FUT8: variants seen among roughly 807,000 people sequenced by gnomAD.
The protein encoded by FUT8 is fucosyltransferase 8, also known as alpha-(1,6)-fucosyltransferase.
A neutral mutation model predicts 71.3 loss-of-function variants in FUT8; 29 were observed. The observed-to-expected ratio is 0.41, with a 90% CI of 0.30 to 0.55. FUT8 has a LOEUF of 0.55. Ranked by LOEUF, FUT8 falls within the 20% of genes least tolerant of loss-of-function variation. The pLI, the probability that FUT8 is intolerant of heterozygous loss-of-function variation, is 0.34. For missense variants in FUT8, 544 were observed against 702.1 expected, an observed-to-expected ratio of 0.77 and a Z score of 2.55; for synonymous variants, 254 against 239.3, an observed-to-expected ratio of 1.06 and a Z score of -0.57.
chr14:65,384,165 G>T, the FUT8 span, among the ~76,000 whole-genome samples: 2 of 152,198 alleles, frequency 1.3e-5, no homozygotes, highest in Non-Finnish European at 2.9e-5. This position sits in a 1 kb window ranked among gnomAD's most constrained non-coding sequence, Gnocchi z 4.2. Flanking sequence ...GCAGGGCAGT[G>T]AGAGGTGGGG....
In FUT8 at chr14:65,616,379, A is replaced by G. The variant is rs1889288069; in HGVS notation, c.482+6A>G. ...GATTTAGGACATCATGAAAGGTACT[A>G]TTCTCCTTTCACATTTTATTTGGGC... On this transcript the variant is annotated splice_donor_region_variant and intron_variant, in intron 5 of 10. Transcript: ENST00000673929. 1 of 1,554,944 alleles carries G rather than the reference A, an allele frequency of 6.4e-7. No individual in the cohort carries two copies. Among genetic ancestry groups the G allele is most frequent in the Non-Finnish European group, 8.7e-7 (1 of 1,151,146 alleles).
At chr14:65,525,898 C>T (rs895889855) in intron 2 of FUT8, among the ~76,000 whole-genome samples, 1 of 152,174 alleles carries the variant, frequency 6.6e-6, no homozygotes, top group Non-Finnish European at 1.5e-5. Context: ...ATCCTGAGTT[C>T]TAGTTTGATT....
chr14:65,474,019 A>G (rs2139648805), intron 2 of FUT8, among the ~76,000 whole-genome samples: 1 of 152,310 alleles, frequency 6.6e-6, no homozygotes, highest in South Asian at 2.1e-4. Context: ...GCTGTAGGCC[A>G]TTATTCTAAG....
chr14:65,636,313 G>A lies in FUT8; in HGVS notation c.597+6707G>A, dbSNP rs575305019. Reference sequence around the variant, plus strand: ...CTGCTTTTTGTTTCATTTATCTTTTGTATTTTTTTTTTGTTTGTTTCCATT... The same window carrying A: ...CTGCTTTTTGTTTCATTTATCTTTTATATTTTTTTTTTGTTTGTTTCCATT... On this transcript the variant is annotated intron_variant, in intron 6 of 10. Coordinates refer to ENST00000673929, the MANE Select transcript of FUT8 (RefSeq NM_001371533.1). Among the ~76,000 whole-genome samples the A allele has an allele frequency of 2.8e-3, 227 of 81,324 alleles. 1 individual carries two copies. The Middle Eastern group carries it at 0.043, about 15-fold the overall frequency. The allele number at this position is 81,324 out of a possible 152,430, so 53.4% of individuals were successfully genotyped here.
In FUT8 at chr14:65,638,352, A is replaced by G. The variant is rs1464754059; in HGVS notation, c.597+8746A>G. On this transcript the variant is annotated intron_variant, in intron 6 of 10. Transcript: ENST00000673929. This position sits in a 1 kb window ranked among gnomAD's most constrained non-coding sequence, Gnocchi z 4.5. Reference sequence around the variant, plus strand: ...TGAGCCACTGTGTCCGGCCAGAAAGATTTTTTGGTTTGCCCCCGTGTTTTG... The same window carrying G: ...TGAGCCACTGTGTCCGGCCAGAAAGGTTTTTTGGTTTGCCCCCGTGTTTTG... Among the ~76,000 whole-genome samples, 1 of 151,880 alleles carries G rather than the reference A, an allele frequency of 6.6e-6. No homozygotes were observed. Among genetic ancestry groups the G allele is most frequent in the Middle Eastern group, 3.4e-3 (1 of 292 alleles).
chr14:65,554,550 G>A (rs1885481931), intron 2 of FUT8, among the ~76,000 whole-genome samples: 1 of 151,768 alleles, frequency 6.6e-6, no homozygotes, highest in Admixed American at 6.6e-5. Flanking sequence ...CCCAGAAACG[G>A]GTACCCTTCT....
chr14:65,477,261 A>G (rs2066261399), intron 2 of FUT8, among the ~76,000 whole-genome samples: 2 of 152,210 alleles, frequency 1.3e-5, no homozygotes, highest in South Asian at 4.1e-4. Flanking sequence ...TAAAAAATGC[A>G]GAGTCTTTAG....
intron 6 of FUT8, among the ~76,000 whole-genome samples, chr14:65,634,828 C>T (rs1279056700): frequency 6.6e-6 from 1 of 151,954 alleles, no homozygotes; most frequent in Non-Finnish European, 1.5e-5. Flanking sequence ...TTTTTTGGTT[C>T]CATATGAATT....
intron 2 of FUT8, among the ~76,000 whole-genome samples, chr14:65,530,464 C>G (rs1883866934): frequency 6.6e-6 from 1 of 152,076 alleles, no homozygotes; most frequent in Admixed American, 6.6e-5. Flanking sequence ...GTAGAGGTCT[C>G]CTAATACTTT....
At chr14:65,569,849 C>T (rs1886382827) in intron 3 of FUT8, among the ~76,000 whole-genome samples, 1 of 152,018 alleles carries the variant, frequency 6.6e-6, no homozygotes, top group African/African-American at 2.4e-5. Context: ...CAATCCAGTA[C>T]AATCAGTGAT....
At chr14:65,604,851 A>C (rs1050940146) in intron 3 of FUT8, among the ~76,000 whole-genome samples, 1 of 151,940 alleles carries the variant, frequency 6.6e-6, no homozygotes, top group South Asian at 2.1e-4. Context: ...CTCACTTTCC[A>C]GAGGAATTTT....
chr14:65,739,228 A>G (rs1896373980), intron 10 of FUT8, among the ~76,000 whole-genome samples: 2 of 151,972 alleles, frequency 1.3e-5, no homozygotes, highest in African/African-American at 4.8e-5. Flanking sequence ...TTCAGCTGCT[A>G]TCTTTAATGG....
intron 2 of FUT8, among the ~76,000 whole-genome samples, chr14:65,551,727 G>A (rs553300524): frequency 2.6e-5 from 4 of 151,996 alleles, no homozygotes; most frequent in Non-Finnish European, 5.9e-5. Context: ...AAAGAATGTT[G>A]AATTTTAAAA....
chr14:65,642,241 CAATTGGTCTAG>C (rs1890875206), intron 6 of FUT8, among the ~76,000 whole-genome samples: 2 of 152,178 alleles, frequency 1.3e-5, no homozygotes, highest in South Asian at 4.1e-4. Flanking sequence ...TATAGCTATT[CAATTGGTCTAG>C]AATCATTTTT....
rs1327718741 is a variant in FUT8 at position 65,743,323 on chromosome 14, A to T, written c.*913A>T. ...GACATTGGTCCATTTTAATACTGAA[A>T]ACCAATTTTCATTGGTACACATTAC... On this transcript the variant is annotated 3_prime_UTR_variant, in exon 11 of 11. Transcript: ENST00000673929. 1 of 151,856 alleles carries T rather than the reference A, an allele frequency of 6.6e-6. No homozygotes were observed. The highest frequency in any genetic ancestry group is 1.5e-5 in the Non-Finnish European group (1 of 67,878). 9.4% of individuals were successfully genotyped at this position (151,856 alleles called of 1,614,324 possible). A position where few individuals can be genotyped will look rare whatever the true frequency, so the allele number is the denominator to read the frequency against.
chr14:65,474,453 A>AAAAAAAAAAAAAAAAAAAAAAAAAAAG (rs1566770540), intron 2 of FUT8, among the ~76,000 whole-genome samples: 1 of 146,962 alleles, frequency 6.8e-6, no homozygotes, highest in African/African-American at 2.5e-5. Context: ...AAAAAAAAAA[A>AAAAAAAAAAAAAAAAAAAAAAAAAAAG]AAAAGCCAGG....
chr14:65,500,369 CATT>C (rs1435529032), intron 2 of FUT8, among the ~76,000 whole-genome samples: 1 of 152,088 alleles, frequency 6.6e-6, no homozygotes, highest in Non-Finnish European at 1.5e-5. Context: ...TCATCATCAT[CATT>C]TTTTCTTTCG....
At chr14:65,478,175 G>C (rs1386338247) in intron 2 of FUT8, among the ~76,000 whole-genome samples, 2 of 152,152 alleles carry the variant, frequency 1.3e-5, no homozygotes, top group South Asian at 2.1e-4. Context: ...GAGGTTTTGA[G>C]AACAATAGTA....
At chr14:65,558,477 C>T (rs1478377088) in intron 2 of FUT8, among the ~76,000 whole-genome samples, 2 of 152,104 alleles carry the variant, frequency 1.3e-5, no homozygotes, top group East Asian at 1.9e-4. Flanking sequence ...ATAGCATTCT[C>T]TCACTTTCTG....
Sources: allele counts gnomAD v4.1 joint callset (sites outside exome capture counted in the v4.1 genomes callset), GRCh38; gene constraint gnomAD v4.1.1; non-coding constraint Gnocchi (gnomAD v3.1); transcripts MANE v1.5; gene names NCBI Gene and HGNC (gene_info 2026-07-23, HGNC 2026-07-21).